Variants in MICAL2 observed in about 807,000 individuals in gnomAD.
MICAL2 encodes the protein [F-actin]-monooxygenase MICAL2.
In MICAL2, 77 loss-of-function variants were observed where a neutral mutation model predicts 127.3. The observed-to-expected ratio is 0.60, with a 90% confidence interval of 0.50 to 0.73. The LOEUF is 0.73. Ranked by LOEUF, MICAL2 falls within the 30% of genes least tolerant of loss-of-function variation. The pLI is 0.00. For synonymous variants in MICAL2, 570 were observed against 551.1 expected, an observed-to-expected ratio of 1.03 and a Z score of -0.48; for missense variants, 1,351 against 1,434.4, an observed-to-expected ratio of 0.94 and a Z score of 0.94.
At chr11:12,171,138 T>G (rs139259852) in intron 3 of MICAL2, among the ~76,000 whole-genome samples, 1,742 of 152,332 alleles carry the variant, frequency 0.011, 22 homozygotes, top group Middle Eastern at 0.065. Context: ...GGCCCTTGAC[T>G]AGCATCTGGC....
intron 2 of MICAL2, chr11:12,153,335 G>A (rs902885949): frequency 1.3e-5 from 2 of 152,202 alleles, no homozygotes; most frequent in Non-Finnish European, 2.9e-5. Flanking sequence ...CACTGTGGCT[G>A]GCCCATTTTA....
At position 12,208,371 on chromosome 11, in the gene MICAL2, C is replaced by T. The variant is rs1854995816; in HGVS notation, c.589+232C>T. 2.5e-5 allele frequency: 11 copies of T among 440,928 alleles called. 1 individual carries two copies. The East Asian group carries it at 4.7e-4, about 19-fold the overall frequency. 27.3% of individuals were successfully genotyped at this position (440,928 alleles called of 1,614,324 possible). On this transcript the variant is annotated intron_variant, in intron 5 of 27. Transcript: ENST00000683283. Reference sequence around the variant, plus strand: ...GCCATTAAACCTGTAATTTGGTTACCCTGTCCCAAGGGGTTGCTACTTTGG... The same window carrying T: ...GCCATTAAACCTGTAATTTGGTTACTCTGTCCCAAGGGGTTGCTACTTTGG...
chr11:12,132,130 C>A (rs1851468865), intron 1 of MICAL2, among the ~76,000 whole-genome samples: 1 of 152,204 alleles, frequency 6.6e-6, no homozygotes, highest in South Asian at 2.1e-4. Flanking sequence ...CATCCTCCTA[C>A]CACCTCTGCT....
At chr11:12,161,935 A>T (rs974200520) in intron 2 of MICAL2, 144 bp from the exon 3 acceptor site, 9 of 604,712 alleles carry the variant, frequency 1.5e-5, no homozygotes, top group Non-Finnish European at 2.6e-5. Flanking sequence ...ATCTGTTATA[A>T]ATATTTATGT....
chr11:12,245,221 C>G (rs1288991215), intron 21 of MICAL2, among the ~76,000 whole-genome samples: 1 of 152,168 alleles, frequency 6.6e-6, no homozygotes, highest in Non-Finnish European at 1.5e-5. Flanking sequence ...AGTCTTCCCC[C>G]ACTCCACCCA....
intron 32 of MICAL2, among the ~76,000 whole-genome samples, chr11:12,341,400 AAC>A (rs1355506030): frequency 2.0e-5 from 3 of 152,336 alleles, no homozygotes; most frequent in East Asian, 1.9e-4. Context: ...TTGGATAAAA[AAC>A]ACACACCAAT....
chr11:12,302,181 C>T (rs1192398073), intron 29 of MICAL2, among the ~76,000 whole-genome samples: 7 of 152,286 alleles, frequency 4.6e-5, no homozygotes, highest in Admixed American at 6.5e-5. Flanking sequence ...TGTCGCGAGT[C>T]TGTTCTTTTC....
At chr11:12,306,234 C>A (rs1303253648) in intron 29 of MICAL2, among the ~76,000 whole-genome samples, 1 of 152,146 alleles carries the variant, frequency 6.6e-6, no homozygotes, top group Non-Finnish European at 1.5e-5. Context: ...CAAAGATAAC[C>A]ACTGATTTCT....
chr11:12,313,092 G>A (rs186381931), intron 29 of MICAL2, among the ~76,000 whole-genome samples: 4 of 144,774 alleles, frequency 2.8e-5, no homozygotes, highest in East Asian at 4.1e-4. Flanking sequence ...GGCGTGAACC[G>A]GAGAGGCGGA....
chr11:12,175,450 C>G (rs140399265), intron 3 of MICAL2, among the ~76,000 whole-genome samples: 2 of 151,656 alleles, frequency 1.3e-5, no homozygotes, highest in African/African-American at 4.9e-5. Flanking sequence ...CACTCCAGCC[C>G]GGGCAACAGA....
At chr11:12,136,543 G>T (rs4559672) in intron 1 of MICAL2, among the ~76,000 whole-genome samples, 19 of 152,086 alleles carry the variant, frequency 1.2e-4, no homozygotes, top group Non-Finnish European at 8.8e-5. Flanking sequence ...GGTACCTGGA[G>T]GGGGGCAGCT....
rs896123382 is a variant in MICAL2, at chr11:12,110,973, C to T, written c.-149+247C>T. Among the ~76,000 whole-genome samples the T allele has an allele frequency of 6.6e-6, 1 of 152,192 alleles. No homozygotes were observed. Among genetic ancestry groups the T allele is most frequent in the Non-Finnish European group, 1.5e-5 (1 of 68,036 alleles). ...ACGCAATAAAAGCCTCCCACCGGCACGCCGAACTACCTCTTACTCCGCTCC... is the reference window on the plus strand; with the variant it reads ...ACGCAATAAAAGCCTCCCACCGGCATGCCGAACTACCTCTTACTCCGCTCC... On this transcript the variant is annotated intron_variant, in intron 1 of 27. Coordinates refer to ENST00000683283, the MANE Select transcript of MICAL2 (RefSeq NM_001282663.2). The surrounding 1 kb of genome is among the most constrained non-coding windows in gnomAD (Gnocchi z 4.5).
At chr11:12,270,107 C>T (rs2134749691) in intron 24 of MICAL2, among the ~76,000 whole-genome samples, 1 of 152,314 alleles carries the variant, frequency 6.6e-6, no homozygotes, top group East Asian at 1.9e-4. Context: ...AGTCTCCTTC[C>T]CAGAGCAATT....
At chr11:12,264,958 C>A (rs577985181), downstream of MICAL2, among the ~76,000 whole-genome samples, 3 of 152,334 alleles carry the variant, frequency 2.0e-5, no homozygotes, top group African/African-American at 7.2e-5. Flanking sequence ...TTTAACTGTG[C>A]ATGTGCTCAT....
At chr11:12,176,877 A>T (rs1052838047) in intron 3 of MICAL2, among the ~76,000 whole-genome samples, 3 of 152,172 alleles carry the variant, frequency 2.0e-5, no homozygotes, top group Admixed American at 6.5e-5. Flanking sequence ...CTGTTCACTC[A>T]TCAATGGACA....
intron 1 of MICAL2, among the ~76,000 whole-genome samples, chr11:12,134,977 G>A (rs1851722840): frequency 6.6e-6 from 1 of 152,218 alleles, no homozygotes; most frequent in Admixed American, 6.5e-5. Context: ...CACTATGGCT[G>A]CAGGCAGCTC....
chr11:12,294,807 C>CTCCTCT, downstream of MICAL2: 1 of 1,478,028 alleles, frequency 6.8e-7, no homozygotes, highest in Non-Finnish European at 8.9e-7. Context: ...GCTCCTCCTC[C>CTCCTCT]TCCTCCTCCT....
intron 32 of MICAL2, among the ~76,000 whole-genome samples, chr11:12,330,646 CT>C: frequency 6.6e-6 from 1 of 152,034 alleles, no homozygotes; most frequent in Non-Finnish European, 1.5e-5. Flanking sequence ...TTCCTGCTTT[CT>C]TTTTTTACAG....
chr11:12,293,565 C>G, downstream of MICAL2: 1 of 1,600,384 alleles, frequency 6.2e-7, no homozygotes, highest in Non-Finnish European at 8.5e-7. Flanking sequence ...ATCTAGATGA[C>G]AGCTTCTGAG....
Sources: allele counts gnomAD v4.1 joint callset (sites outside exome capture counted in the v4.1 genomes callset), GRCh38; gene constraint gnomAD v4.1.1; non-coding constraint Gnocchi (gnomAD v3.1); transcripts MANE v1.5; gene names NCBI Gene and HGNC (gene_info 2026-07-23, HGNC 2026-07-21).